The following MYH16 variants were observed in gnomAD, a reference collection of about 807,000 sequenced individuals.
MYH16 encodes myosin heavy chain 16.
At chr7:99,239,524 G>A (rs1584338060) in intron 1 of MYH16, among the ~76,000 whole-genome samples, 1 of 152,164 alleles carries the variant, frequency 6.6e-6, no homozygotes, top group East Asian at 1.9e-4. Context: ...GTCTCTTGGA[G>A]CATGGGGGTG....
chr7:99,299,765 G>C (rs1449978838), intron 37 of MYH16, 107 bp downstream of exon 18: 2 of 152,140 alleles, frequency 1.3e-5, no homozygotes, highest in African/African-American at 4.8e-5. Context: ...CTAGCATAAA[G>C]GCATAAGAGA....
exon 25 of MYH16, chr7:99,283,931 G>A (rs773518011): frequency 1.8e-4 from 84 of 456,550 alleles, no homozygotes; most frequent in Non-Finnish European, 2.6e-4. Flanking sequence ...AAGGCTCGTC[G>A]GAAAGCTGAG....
chr7:99,264,568 G>A (rs917592420), intron 15 of MYH16, among the ~76,000 whole-genome samples: 3 of 152,242 alleles, frequency 2.0e-5, no homozygotes, highest in Admixed American at 6.5e-5. Context: ...GTGTCCTAGA[G>A]TTGGCTGGCA....
At chr7:99,242,429 A>G (rs1292254211) in intron 1 of MYH16, among the ~76,000 whole-genome samples, 1 of 152,046 alleles carries the variant, frequency 6.6e-6, no homozygotes, top group Non-Finnish European at 1.5e-5. Flanking sequence ...GAAGGCCAAG[A>G]GTTCAAGACC....
exon 29 of MYH16, chr7:99,287,910 C>A: frequency 2.2e-6 from 1 of 455,604 alleles, no homozygotes. Flanking sequence ...GAACCGCAAG[C>A]GGGAGGCTGA....
At chr7:99,263,083 G>A (rs981236658) in intron 13 of MYH16, among the ~76,000 whole-genome samples, 2 of 152,136 alleles carry the variant, frequency 1.3e-5, no homozygotes, top group South Asian at 2.1e-4. Context: ...CAGAGTTGGC[G>A]TATCCTAGAT....
exon 32 of MYH16, chr7:99,292,463 A>G (rs1242959804): frequency 2.1e-6 from 1 of 468,904 alleles, no homozygotes; most frequent in African/African-American, 2.0e-5. Context: ...AGGACCAAGT[A>G]CGAGACCGAT....
rs545464688 is a variant in MYH16 at position 99,274,010 on chromosome 7, C to A, written n.2485+587C>A. ...GATGGAGAGCGCCATACCACCCCCA[C>A]CAAAAAAAGTGAGCTTGATTATTGA... is the stretch of plus-strand genomic sequence containing the variant. On this transcript the variant is annotated intron_variant and non_coding_transcript_variant, in intron 20 of 41. Coordinates refer to ENST00000439784, the Ensembl canonical transcript of MYH16. 5.8e-4 allele frequency among the ~76,000 whole-genome samples: 88 copies of A among 152,324 alleles called. 2 individuals carry two copies. The highest frequency in any genetic ancestry group is 5.7e-4 in the Non-Finnish European group (39 of 68,026).
At chr7:99,260,078 T>TGG (rs1791923280) in intron 11 of MYH16, 1 of 1,249,404 alleles carries the variant, frequency 8.0e-7, no homozygotes, top group Non-Finnish European at 1.1e-6. Flanking sequence ...AAAGTTTTGC[T>TGG]TTGCTTGTGG....
chr7:99,267,334 T>A (rs1200472985), intron 18 of MYH16, among the ~76,000 whole-genome samples: 2 of 152,146 alleles, frequency 1.3e-5, no homozygotes, highest in Non-Finnish European at 2.9e-5. Flanking sequence ...GCTCAAGTGA[T>A]CCTCCTGCCT....
chr7:99,251,199 A>T, intron 6 of MYH16: 1 of 208,334 alleles, frequency 4.8e-6, no homozygotes. Flanking sequence ...AAGTGTGGGG[A>T]CCACATGAGA....
intron 18 of MYH16, among the ~76,000 whole-genome samples, chr7:99,267,853 G>A (rs1340228061): frequency 5.9e-5 from 9 of 152,284 alleles, no homozygotes; most frequent in East Asian, 3.9e-4. Flanking sequence ...TGATCGCCCC[G>A]TGACACAGGA....
intron 8 of MYH16, among the ~76,000 whole-genome samples, chr7:99,254,975 A>C (rs1459779663): frequency 1.3e-5 from 2 of 152,016 alleles, no homozygotes; most frequent in Non-Finnish European, 2.9e-5. Context: ...TCTCTACAAA[A>C]ACTAAAAAAA....
In MYH16 at chr7:99,283,737, TGGACCAACACATCCCCC is replaced by T. The variant is rs1339825143; in HGVS notation, n.3079+89_3079+105del. 18 of 450,134 alleles carry T rather than the reference TGGACCAACACATCCCCC, an allele frequency of 4.0e-5. No individual in the cohort carries two copies. The Admixed American group carries it at 4.3e-4, about 11-fold the overall frequency. The allele number at this position is 450,134 out of a possible 1,614,324, so 27.9% of individuals were successfully genotyped here. ...GGGTCCGAAGATTAGTTTTGAGAAC[TGGACCAACACATCCCCC>T]GGGGCGTGAGGGCCCTTCTGATGCC... On this transcript the variant is annotated intron_variant and non_coding_transcript_variant, in intron 24 of 41. Transcript: ENST00000439784.
intron 33 of MYH16, among the ~76,000 whole-genome samples, chr7:99,296,288 A>G (rs1171900405): frequency 1.3e-5 from 2 of 152,188 alleles, no homozygotes; most frequent in Non-Finnish European, 2.9e-5. Flanking sequence ...GATGAAATCT[A>G]TAGAAAAATA....
At chr7:99,291,396 A>T (rs1308908187) in exon 31 of MYH16, 1 of 456,660 alleles carries the variant, frequency 2.2e-6, no homozygotes, top group Non-Finnish European at 4.4e-6. Context: ...GGATAAAGAC[A>T]TCTCTGACGT....
intron 22 of MYH16, 141 bp downstream of exon 4, chr7:99,279,878 T>G (rs1331370785): frequency 1.7e-5 from 6 of 355,944 alleles, no homozygotes; most frequent in Non-Finnish European, 3.3e-5. Flanking sequence ...TTTGTTTGTT[T>G]GTTTTGCGAC....
At chr7:99,300,312 AGAGAAAT>A (rs1245367441) in intron 37 of MYH16, among the ~76,000 whole-genome samples, 10 of 152,302 alleles carry the variant, frequency 6.6e-5, no homozygotes, top group African/African-American at 2.2e-4. Flanking sequence ...TTTCAGACAT[AGAGAAAT>A]GAAGAACACA....
intron 8 of MYH16, chr7:99,255,450 G>C (rs559707629): frequency 4.9e-5 from 6 of 122,250 alleles, no homozygotes; most frequent in African/African-American, 1.8e-4. Flanking sequence ...CCTGTTGAAA[G>C]AAAGAGAGAG....
Sources: allele counts gnomAD v4.1 joint callset (sites outside exome capture counted in the v4.1 genomes callset), GRCh38; gene constraint gnomAD v4.1.1; transcripts MANE v1.5; gene names NCBI Gene and HGNC (gene_info 2026-07-23, HGNC 2026-07-21).